Variants in PCDHA2 observed in about 807,000 individuals in gnomAD.
PCDHA2 encodes protocadherin alpha 2, also known as protocadherin alpha-2.
A neutral mutation model predicts 66.0 loss-of-function variants in PCDHA2; 58 were observed. The observed-to-expected ratio is 0.88, with a 90% CI of 0.71 to 1.09. The LOEUF (loss-of-function observed/expected upper bound fraction) is 1.09, where lower values mean the gene tolerates loss of function less well. Among genes scored for constraint, PCDHA2 ranks in the 50% least tolerant of loss-of-function variants. The probability of loss-of-function intolerance (pLI) is 0.00; values close to 1 mark genes in which losing one functional copy is unlikely to be tolerated. For synonymous variants in PCDHA2, 634 were observed against 554.0 expected, an observed-to-expected ratio of 1.14 and a Z score of -2.03; for missense variants, 1,267 against 1,242.3, an observed-to-expected ratio of 1.02 and a Z score of -0.30.
intron 1 of PCDHA2, chr5:140,801,799 A>G (rs1762787431): frequency 5.0e-6 from 8 of 1,613,974 alleles, no homozygotes; most frequent in African/African-American, 1.3e-5. Flanking sequence ...AAAAATTTAA[A>G]TCGAGAGGAC....
intron 1 of PCDHA2, chr5:140,877,329 C>T: frequency 6.2e-7 from 1 of 1,614,012 alleles, no homozygotes; most frequent in South Asian, 1.1e-5. Flanking sequence ...TCGGCGCGCA[C>T]ATCCCGTTCC....
chr5:140,877,112 G>A, intron 1 of PCDHA2: 1 of 1,613,670 alleles, frequency 6.2e-7, no homozygotes, highest in Non-Finnish European at 8.5e-7. Flanking sequence ...CCTCTGGGCA[G>A]CAACGTGACG....
chr5:141,009,649 C>G lies in PCDHA2; in HGVS notation c.2559C>G (p.Ser853=). The change falls in exon 4 of 4, where the codon TCC becomes TCG. Residue 853 remains serine, a synonymous_variant. Coordinates refer to ENST00000526136, the MANE Select transcript of PCDHA2 (RefSeq NM_018905.3). ...ATPEPEAGEV[S]PPVGAGVNSN... ...CAGAACCAGAGGCAGGAGAAGTGTC[C>G]CCTCCAGTCGGTGCGGGTGTCAACA... 1 of 1,613,646 alleles carries G rather than the reference C, an allele frequency of 6.2e-7. No homozygotes were observed. The highest frequency in any genetic ancestry group is 8.5e-7 in the Non-Finnish European group (1 of 1,179,816).
intron 1 of PCDHA2, among the ~76,000 whole-genome samples, chr5:140,937,127 T>TC: frequency 6.7e-6 from 1 of 149,014 alleles, no homozygotes. Context: ...AAGCTCCGCC[T>TC]CCCGGGTTCA....
At chr5:140,939,897 T>G (rs1563176465) in intron 1 of PCDHA2, among the ~76,000 whole-genome samples, 1 of 152,230 alleles carries the variant, frequency 6.6e-6, no homozygotes. Flanking sequence ...TCAAATATTC[T>G]GCATTCTTTT....
intron 1 of PCDHA2, chr5:140,803,942 T>A (rs1163892292): frequency 1.0e-5 from 4 of 383,608 alleles, no homozygotes; most frequent in Non-Finnish European, 1.9e-5. Flanking sequence ...CCCTATACAA[T>A]GCTTCTTCAA....
chr5:140,872,073 T>C (rs2053472746), intron 1 of PCDHA2, among the ~76,000 whole-genome samples: 1 of 152,222 alleles, frequency 6.6e-6, no homozygotes, highest in Admixed American at 6.5e-5. Context: ...TAGCTGGGAA[T>C]GCAGTGCCAC....
intron 1 of PCDHA2, among the ~76,000 whole-genome samples, chr5:140,873,074 C>G (rs2054074747): frequency 6.6e-6 from 1 of 152,140 alleles, no homozygotes; most frequent in Non-Finnish European, 1.5e-5. Flanking sequence ...TCATATCTAG[C>G]TATTTCCCCC....
At chr5:140,865,948 A>T (rs1324483727) in intron 1 of PCDHA2, 1 of 152,186 alleles carries the variant, frequency 6.6e-6, no homozygotes, top group African/African-American at 2.4e-5. Flanking sequence ...GATTGTCTTC[A>T]TCATTAATTT....
intron 1 of PCDHA2, among the ~76,000 whole-genome samples, chr5:140,936,282 T>C (rs781971653): frequency 6.6e-6 from 1 of 152,250 alleles, no homozygotes; most frequent in Non-Finnish European, 1.5e-5. Context: ...CTGTGTTTTC[T>C]TCTATAACAT....
At chr5:140,865,190 C>T (rs976709711) in intron 1 of PCDHA2, 3 of 152,106 alleles carry the variant, frequency 2.0e-5, no homozygotes, top group Admixed American at 1.3e-4. Flanking sequence ...TGCCTTCACA[C>T]CATATTAATG....
intron 1 of PCDHA2, among the ~76,000 whole-genome samples, chr5:140,920,617 G>A (rs569983611): frequency 9.7e-4 from 148 of 152,170 alleles, no homozygotes; most frequent in African/African-American, 2.6e-3. Context: ...AGGCCGAGGC[G>A]GATGGATCAC....
At chr5:140,924,675 A>G (rs2081950007) in intron 1 of PCDHA2, among the ~76,000 whole-genome samples, 1 of 152,152 alleles carries the variant, frequency 6.6e-6, no homozygotes, top group Non-Finnish European at 1.5e-5. Flanking sequence ...CAGGCCAATC[A>G]CTTGAGGTCA....
intron 1 of PCDHA2, chr5:140,843,625 C>T: frequency 6.3e-7 from 1 of 1,596,072 alleles, no homozygotes; most frequent in Non-Finnish European, 8.6e-7. Flanking sequence ...CGAAGACGGA[C>T]CTCATGGCCT....
chr5:140,876,236 T>C (rs782328225), intron 1 of PCDHA2: 24 of 1,613,974 alleles, frequency 1.5e-5, no homozygotes, highest in Non-Finnish European at 1.4e-5. Flanking sequence ...TCTGAAAATG[T>C]CCAAAACGAC....
intron 1 of PCDHA2, among the ~76,000 whole-genome samples, chr5:140,846,616 C>T (rs2150392938): frequency 5.4e-5 from 8 of 149,000 alleles, no homozygotes; most frequent in East Asian, 3.9e-4. Flanking sequence ...CCTCCTGATC[C>T]GCCCACTTCG....
At chr5:140,853,560 A>G in intron 1 of PCDHA2, 1 of 981,448 alleles carries the variant, frequency 1.0e-6, no homozygotes, top group Non-Finnish European at 1.2e-6. Flanking sequence ...ATATAGGAAA[A>G]ACTAAGTTGT....
rs182447320 is a variant in PCDHA2, at chr5:140,868,739, C to A, written c.2388+71387C>A. 921 of 204,056 alleles carry A rather than the reference C, an allele frequency of 4.5e-3. 4 individuals carry two copies. The highest frequency in any genetic ancestry group is 0.012 in the Middle Eastern group (6 of 494). The allele number at this position is 204,056 out of a possible 1,614,324, so 12.6% of individuals were successfully genotyped here. ...TAAATTTGATGTTAATCGAGAAATACAATGCCATTTCCATATATATTTAGT... is the reference window on the plus strand; with the variant it reads ...TAAATTTGATGTTAATCGAGAAATAAAATGCCATTTCCATATATATTTAGT... On this transcript the variant is annotated intron_variant, in intron 1 of 3. Transcript: ENST00000526136.
chr5:140,971,541 G>C (rs544682624), intron 1 of PCDHA2, among the ~76,000 whole-genome samples: 1 of 152,290 alleles, frequency 6.6e-6, no homozygotes, highest in Non-Finnish European at 1.5e-5. Flanking sequence ...ATCATTGCCA[G>C]ATCAACCTGT....
Sources: gnomAD v4.1 joint callset for allele counts (sites outside exome capture counted in the v4.1 genomes callset) on GRCh38, gnomAD v4.1.1 for gene constraint, MANE v1.5 for transcripts, NCBI Gene and HGNC (gene_info 2026-07-23, HGNC 2026-07-21) for gene names.